KIAA1549L: variants seen among roughly 807,000 people sequenced by gnomAD.
KIAA1549L encodes the protein KIAA1549 like, also known as UPF0606 protein KIAA1549L.
In KIAA1549L, 88 loss-of-function variants were observed where a neutral mutation model predicts 160.7. The observed-to-expected ratio is 0.55, with a 90% CI of 0.46 to 0.65. The LOEUF is 0.65. Among genes scored for constraint, KIAA1549L ranks in the 30% least tolerant of loss-of-function variants. The pLI is 0.00. For synonymous variants in KIAA1549L, 950 were observed against 976.7 expected (o/e 0.97, Z 0.51); for missense variants, 2,258 against 2,437.5 (o/e 0.93, Z 1.55).
At chr11:33,432,902 C>T (rs1038530233) in intron 1 of KIAA1549L, among the ~76,000 whole-genome samples, 4 of 152,154 alleles carry the variant, frequency 2.6e-5, no homozygotes, top group Non-Finnish European at 4.4e-5. Flanking sequence ...TGAAACTGGA[C>T]CCCTTCCTTA....
At chr11:33,634,978 GA>G (rs1266310261) in intron 16 of KIAA1549L, among the ~76,000 whole-genome samples, 1 of 152,098 alleles carries the variant, frequency 6.6e-6, no homozygotes, top group African/African-American at 2.4e-5. Flanking sequence ...CGCCTTTGCA[GA>G]AAAGTGACCA....
chr11:33,521,389 T>C (rs1226760789), intron 1 of KIAA1549L, among the ~76,000 whole-genome samples: 1 of 152,210 alleles, frequency 6.6e-6, no homozygotes, highest in African/African-American at 2.4e-5. Context: ...TTTTAACTTT[T>C]CTGTGCCTGC....
In KIAA1549L at chr11:33,541,949, C is replaced by T. The variant is rs1854033648; in HGVS notation, c.386C>T (p.Ser129Phe). The T allele has an allele frequency of 5.2e-6, 2 of 383,378 alleles. No individual in the cohort carries two copies. Among genetic ancestry groups the T allele is most frequent in the African/African-American group, 2.1e-5 (1 of 48,592 alleles). 23.7% of individuals were successfully genotyped at this position (383,378 alleles called of 1,614,324 possible). ...DRIKTVLGQS[S>F]DNTSLPQSAR... ...ATCAAGACCGTGCTGGGACAGTCCT[C>T]TGACAACACAAGCTTGCCACAGTCA... The change falls in exon 2 of 21, where the codon TCT becomes TTT. Residue 129 changes from serine (S) to phenylalanine (F), a missense_variant. By Grantham distance (155) the Ser-to-Phe change is radical (BLOSUM62 -2). Coordinates refer to ENST00000658780, the MANE Select transcript of KIAA1549L (RefSeq NM_012194.3).
intron 1 of KIAA1549L, among the ~76,000 whole-genome samples, chr11:33,464,515 T>TGC (rs1373567965): frequency 1.2e-4 from 16 of 129,980 alleles, no homozygotes; most frequent in African/African-American, 3.4e-4. Context: ...TGTGTGTGCG[T>TGC]GCGCGCATGC....
intron 1 of KIAA1549L, among the ~76,000 whole-genome samples, chr11:33,473,854 G>GT (rs1852232412): frequency 6.6e-6 from 1 of 152,146 alleles, no homozygotes; most frequent in South Asian, 2.1e-4. Context: ...AAAAAAATCT[G>GT]TTTTTGTGTT....
intron 9 of KIAA1549L, among the ~76,000 whole-genome samples, chr11:33,571,552 A>G (rs1261009844): frequency 6.6e-6 from 1 of 152,216 alleles, no homozygotes; most frequent in Non-Finnish European, 1.5e-5. Flanking sequence ...AGCTTCAAGC[A>G]TGGCAGAAGA....
At chr11:33,645,557 G>T in intron 16 of KIAA1549L, 129 bp from the exon 17 acceptor site, 1 of 700,470 alleles carries the variant, frequency 1.4e-6, no homozygotes, top group Non-Finnish European at 2.5e-6. Context: ...GATAGGGCAC[G>T]TAGGATATAA....
At chr11:33,491,829 A>G (rs1017382841) in intron 1 of KIAA1549L, among the ~76,000 whole-genome samples, 10 of 152,178 alleles carry the variant, frequency 6.6e-5, no homozygotes, top group African/African-American at 2.4e-4. Flanking sequence ...CCAGTGACAA[A>G]CCACTACTGG....
At chr11:33,421,219 C>T (rs1851003480) in intron 1 of KIAA1549L, among the ~76,000 whole-genome samples, 1 of 126,242 alleles carries the variant, frequency 7.9e-6, no homozygotes, top group Non-Finnish European at 1.5e-5. Flanking sequence ...CAAGTATTGA[C>T]TCAGAGGCTA....
chr11:33,666,051 T>C (rs1202053845), intron 20 of KIAA1549L, among the ~76,000 whole-genome samples: 1 of 151,776 alleles, frequency 6.6e-6, no homozygotes, highest in Non-Finnish European at 1.5e-5. Context: ...ATGGGTGGGG[T>C]GGTTGTAGCA....
chr11:33,465,271 C>T (rs1041559379), intron 1 of KIAA1549L, among the ~76,000 whole-genome samples: 1 of 152,026 alleles, frequency 6.6e-6, no homozygotes, highest in Non-Finnish European at 1.5e-5. Context: ...CCAGGCTACT[C>T]TCAAACTCCT....
rs556137946 is a variant in KIAA1549L, at chr11:33,454,855, C to T, written c.238+77966C>T. ...CTGTAATCTCAGCACTTTGGGAGGCCGAGGCGGGTGGATCACGAGGTCAGG... is the reference window on the plus strand; with the variant it reads ...CTGTAATCTCAGCACTTTGGGAGGCTGAGGCGGGTGGATCACGAGGTCAGG... On this transcript the variant is annotated intron_variant, in intron 1 of 20. Coordinates refer to ENST00000658780, the MANE Select transcript of KIAA1549L (RefSeq NM_012194.3). Among the ~76,000 whole-genome samples the T allele has an allele frequency of 1.2e-4, 18 of 152,084 alleles. No individual in the cohort carries two copies. In the South Asian group the frequency reaches 2.1e-3, roughly 18 times the overall value.
intron 2 of KIAA1549L, 128 bp from the exon 3 acceptor site, chr11:33,544,639 G>T: frequency 8.0e-7 from 1 of 1,243,060 alleles, no homozygotes. Context: ...CCTAAGTTCT[G>T]TCCACTGCAA....
chr11:33,466,345 C>T (rs1372769422), intron 1 of KIAA1549L, among the ~76,000 whole-genome samples: 1 of 152,208 alleles, frequency 6.6e-6, no homozygotes, highest in Non-Finnish European at 1.5e-5. Flanking sequence ...GACATTTATG[C>T]AGCCAACAGA....
At chr11:33,380,089 G>A (rs7933529) in intron 1 of KIAA1549L, among the ~76,000 whole-genome samples, 2 of 152,170 alleles carry the variant, frequency 1.3e-5, no homozygotes, top group African/African-American at 4.8e-5. Flanking sequence ...AGGGTTCTTT[G>A]TGGTCAGAGC....
In KIAA1549L at chr11:33,672,185, TTCCCTCTGCCTA is replaced by T. The variant is rs1852691360; in HGVS notation, c.*4034_*4045del. On this transcript the variant is annotated 3_prime_UTR_variant, in exon 21 of 21. Transcript: ENST00000658780. ...TGTCCTCATGGACTTTCTTCTCTGT[TTCCCTCTGCCTA>T]TCTATCTGCCTGGTTCTCTTGCTTC... is the stretch of plus-strand genomic sequence containing the variant. 6.6e-6 allele frequency: 1 copy of T among 152,346 alleles called. No individual in the cohort carries two copies. The highest frequency in any genetic ancestry group is 2.4e-5 in the African/African-American group (1 of 41,460). 9.4% of individuals were successfully genotyped at this position (152,346 alleles called of 1,614,324 possible).
intron 4 of KIAA1549L, among the ~76,000 whole-genome samples, chr11:33,549,158 T>TA (rs1854368602): frequency 6.6e-6 from 1 of 152,110 alleles, no homozygotes; most frequent in African/African-American, 2.4e-5. Flanking sequence ...TTTTTTTTTT[T>TA]ATGGATTCTG....
chr11:33,497,450 T>C (rs1852846293), intron 1 of KIAA1549L, among the ~76,000 whole-genome samples: 1 of 152,216 alleles, frequency 6.6e-6, no homozygotes, highest in Non-Finnish European at 1.5e-5. Context: ...GGGCCCCATT[T>C]AGGTATGATG....
In KIAA1549L at chr11:33,559,795, T is replaced by A; in HGVS notation, c.3902T>A (p.Val1301Asp). The change falls in exon 7 of 21, where the codon GTC becomes GAC. Residue 1301 changes from valine (V) to aspartate (D), a missense_variant. Around this residue, in one of 6 missense-constraint regions of KIAA1549L, gnomAD observed 1,359 missense variants for 1,546.6 expected, o/e 0.88. Transcript: ENST00000658780. ...NASQAVTLVY[V>D]VGNQSTFLNG... Reference sequence around the variant, plus strand: ...TCCCAGGCAGTCACCTTGGTGTACGTCGTGGGCAATCAGAGCACATTCCTC... The same window carrying A: ...TCCCAGGCAGTCACCTTGGTGTACGACGTGGGCAATCAGAGCACATTCCTC... The A allele has an allele frequency of 6.2e-7, 1 of 1,614,012 alleles. No individual in the cohort carries two copies. The highest frequency in any genetic ancestry group is 1.1e-5 in the South Asian group (1 of 91,084).
Sources: allele counts gnomAD v4.1 joint callset (sites outside exome capture counted in the v4.1 genomes callset), GRCh38; gene constraint gnomAD v4.1.1; regional missense constraint gnomAD v4.1.1; transcripts MANE v1.5; gene names NCBI Gene and HGNC (gene_info 2026-07-23, HGNC 2026-07-21).